Variants in SLC36A1 observed in about 807,000 individuals in gnomAD.
SLC36A1 encodes solute carrier family 36 member 1, also known as proton-coupled amino acid transporter 1.
SLC36A1 carries 30 observed loss-of-function variants against 47.5 expected under a neutral mutation model. The observed-to-expected ratio is 0.63, with a 90% CI of 0.47 to 0.86. The LOEUF is 0.86. Among genes scored for constraint, SLC36A1 ranks in the 40% least tolerant of loss-of-function variants. The pLI is 0.00. For missense variants in SLC36A1, 517 were observed against 606.0 expected (o/e 0.85, Z 1.54); for synonymous variants, 255 against 249.7 (o/e 1.02, Z -0.20).
the SLC36A1 span, among the ~76,000 whole-genome samples, chr5:151,376,733 T>C: frequency 6.6e-6 from 1 of 152,164 alleles, no homozygotes; most frequent in South Asian, 2.1e-4. Context: ...CCCAGGTTCA[T>C]GTGATTCTCC....
chr5:151,439,947 T>C (rs779837556), intron 1 of SLC36A1, among the ~76,000 whole-genome samples: 4 of 152,240 alleles, frequency 2.6e-5, no homozygotes, highest in Non-Finnish European at 4.4e-5. Context: ...TCAAATTCAT[T>C]TTTCAGCACT....
At chr5:151,480,028 T>C (rs1218148650) in intron 10 of SLC36A1, 2 of 1,229,022 alleles carry the variant, frequency 1.6e-6, no homozygotes, top group Admixed American at 2.4e-5. Flanking sequence ...ACTTGTGTTT[T>C]ATTCTTCTTC....
chr5:151,549,513 C>T, the SLC36A1 span: 9 of 1,613,422 alleles, frequency 5.6e-6, no homozygotes, highest in East Asian at 2.0e-4. Flanking sequence ...GACCTATGGG[C>T]CCAAAGGGGG....
chr5:151,539,480 G>A, the SLC36A1 span, among the ~76,000 whole-genome samples: 1 of 152,218 alleles, frequency 6.6e-6, no homozygotes, highest in African/African-American at 2.4e-5. Flanking sequence ...ATAGGTATAT[G>A]CTTATATGTT....
the SLC36A1 span, among the ~76,000 whole-genome samples, chr5:151,397,764 C>CAAAAAAAAA: frequency 2.3e-5 from 1 of 44,332 alleles, no homozygotes; most frequent in African/African-American, 8.9e-5. Flanking sequence ...AACTCCAACT[C>CAAAAAAAAA]AAAAAAAAAA....
the SLC36A1 span, among the ~76,000 whole-genome samples, chr5:151,365,371 C>T: frequency 6.6e-6 from 1 of 152,202 alleles, no homozygotes; most frequent in African/African-American, 2.4e-5. Context: ...CCAGTAATTG[C>T]AAACACATCA....
chr5:151,445,281 A>G (rs1752853358), upstream of SLC36A1, among the ~76,000 whole-genome samples: 1 of 152,160 alleles, frequency 6.6e-6, no homozygotes. Flanking sequence ...GATGTATTAT[A>G]TTGCTTGATT....
chr5:151,467,172 T>C (rs1197187103), intron 5 of SLC36A1, 27 bp from the exon 6 acceptor site: 2 of 1,548,816 alleles, frequency 1.3e-6, no homozygotes, highest in African/African-American at 1.4e-5. Context: ...GTAACAGTCT[T>C]TGTATTCCTT....
At chr5:151,499,669 G>A in the SLC36A1 span, among the ~76,000 whole-genome samples, 2 of 152,104 alleles carry the variant, frequency 1.3e-5, no homozygotes, top group Admixed American at 1.3e-4. Context: ...CCAGAGCACT[G>A]CCCTGATGCC....
intron 7 of SLC36A1, among the ~76,000 whole-genome samples, chr5:151,469,763 A>G (rs987621678): frequency 5.3e-5 from 8 of 151,460 alleles, no homozygotes; most frequent in Non-Finnish European, 1.2e-4. Context: ...TATTATTTAT[A>G]TTAGTATTCT....
the SLC36A1 span, among the ~76,000 whole-genome samples, chr5:151,399,087 T>A: frequency 0.02 from 2,335 of 114,186 alleles, 22 homozygotes; most frequent in African/African-American, 0.089. Flanking sequence ...TATATATATT[T>A]TTTTTTTTTT....
At chr5:151,534,425 G>C in the SLC36A1 span, 2 of 1,608,042 alleles carry the variant, frequency 1.2e-6, no homozygotes, top group Admixed American at 1.7e-5. Context: ...CGGGATCCCG[G>C]GCAAATACTA....
At chr5:151,434,110 G>A (rs775883849), upstream of SLC36A1, among the ~76,000 whole-genome samples, 18 of 152,200 alleles carry the variant, frequency 1.2e-4, no homozygotes, top group South Asian at 2.1e-4. Context: ...AGTCTTTCAG[G>A]AGGGACTCAC....
At chr5:151,505,434 G>C in the SLC36A1 span, 1 of 1,115,274 alleles carries the variant, frequency 9.0e-7, no homozygotes, top group Admixed American at 2.6e-5. Context: ...ACATTTCAAG[G>C]GACAACAGCC....
chr5:151,507,127 A>G, the SLC36A1 span: 1 of 1,522,136 alleles, frequency 6.6e-7, no homozygotes, highest in South Asian at 1.3e-5. Flanking sequence ...TCAATCCCAG[A>G]GGCTAAGCGT....
chr5:151,386,277 G>A, the SLC36A1 span, among the ~76,000 whole-genome samples: 17 of 152,122 alleles, frequency 1.1e-4, no homozygotes, highest in African/African-American at 4.1e-4. Flanking sequence ...TGGCAAGTGT[G>A]GAATGGCTTA....
At chr5:151,449,598 G>A (rs1417611544) in intron 1 of SLC36A1, among the ~76,000 whole-genome samples, 2 of 152,168 alleles carry the variant, frequency 1.3e-5, no homozygotes, top group Non-Finnish European at 2.9e-5. Flanking sequence ...TCCAAAGGCG[G>A]TGTAAGAAAA....
At chr5:151,399,842 T>A in the SLC36A1 span, among the ~76,000 whole-genome samples, 1 of 152,338 alleles carries the variant, frequency 6.6e-6, no homozygotes, top group South Asian at 2.1e-4. Context: ...TAGTAAGGGA[T>A]CATGAAGCAA....
chr5:151,479,769 C>A, intron 10 of SLC36A1: 1 of 521,812 alleles, frequency 1.9e-6, no homozygotes, highest in South Asian at 3.3e-5. Flanking sequence ...TAAAGACATG[C>A]GATTACTATC....
Sources: gnomAD v4.1 joint callset for allele counts (sites outside exome capture counted in the v4.1 genomes callset) on GRCh38, gnomAD v4.1.1 for gene constraint, MANE v1.5 for transcripts, NCBI Gene and HGNC (gene_info 2026-07-23, HGNC 2026-07-21) for gene names.